Variants in SSU72 observed in about 807,000 individuals in gnomAD.
SSU72 encodes the protein RNA polymerase II subunit A C-terminal domain phosphatase SSU72.
Under a neutral mutation model 22.7 loss-of-function variants are expected in SSU72, and 12 were observed. The ratio of observed to expected loss-of-function variants is 0.53; its 90% confidence interval spans 0.34 to 0.86. The LOEUF (loss-of-function observed/expected upper bound fraction) is 0.86, where lower values mean the gene tolerates loss of function less well. Among genes scored for constraint, SSU72 ranks in the 40% least tolerant of loss-of-function variants. SSU72 has a pLI of 0.02. For missense variants in SSU72, 151 were observed against 249.8 expected (o/e 0.60, Z 2.67); for synonymous variants, 116 against 98.3 (o/e 1.18, Z -1.06).
intron 2 of SSU72, chr1:1,564,546 C>G (rs552871114): frequency 1.3e-6 from 2 of 1,561,188 alleles, no homozygotes; most frequent in South Asian, 2.3e-5. Flanking sequence ...CAGGGTGAAC[C>G]CCACACCGTG....
intron 2 of SSU72, among the ~76,000 whole-genome samples, chr1:1,557,110 T>G (rs1192608979): frequency 2.6e-5 from 4 of 152,226 alleles, no homozygotes; most frequent in Non-Finnish European, 2.9e-5. Flanking sequence ...TTCCCAAAAC[T>G]ATTTTAAAAC....
intron 2 of SSU72, among the ~76,000 whole-genome samples, chr1:1,559,985 A>G (rs1193632107): frequency 6.6e-6 from 1 of 152,052 alleles, no homozygotes; most frequent in Non-Finnish European, 1.5e-5. Context: ...TCGGCCTCCC[A>G]AAGTGCTGGG....
At chr1:1,543,207 C>A (rs1029792787) in intron 4 of SSU72, among the ~76,000 whole-genome samples, 1 of 152,208 alleles carries the variant, frequency 6.6e-6, no homozygotes, top group African/African-American at 2.4e-5. Flanking sequence ...GCAGGGCCCA[C>A]TGGGGAAGGC....
At chr1:1,553,647 C>T (rs998025661) in intron 2 of SSU72, among the ~76,000 whole-genome samples, 1 of 149,008 alleles carries the variant, frequency 6.7e-6, no homozygotes. Context: ...AAAAATTAGC[C>T]GGGCATGGTG....
At position 1,541,986 on chromosome 1, in the gene SSU72, T is replaced by A. The variant is rs1642326481; in HGVS notation, c.*80A>T. 7.3e-7 allele frequency: 1 copy of A among 1,372,032 alleles called. No homozygotes were observed. Among genetic ancestry groups the A allele is most frequent in the African/African-American group, 1.4e-5 (1 of 69,290 alleles). The allele number at this position is 1,372,032 out of a possible 1,614,324, so 85.0% of individuals were successfully genotyped here. ...ATGCTACCGTCACCAGCAGAACACC[T>A]GTAAGTAAAAACAAATGTCAGGAAG... On this transcript the variant is annotated 3_prime_UTR_variant, in exon 5 of 5. Coordinates refer to ENST00000291386, the MANE Select transcript of SSU72 (RefSeq NM_014188.3).
chr1:1,566,300 C>T (rs1474402619), intron 1 of SSU72, among the ~76,000 whole-genome samples: 3 of 152,270 alleles, frequency 2.0e-5, no homozygotes, highest in East Asian at 3.9e-4. Context: ...TGGTATAGAA[C>T]ATGTGTTCTT....
chr1:1,564,427 A>G (rs1642633155), intron 2 of SSU72: 1 of 1,443,712 alleles, frequency 6.9e-7, no homozygotes. Context: ...TGCAAAGGAA[A>G]TAACGGGGCA....
intron 2 of SSU72, among the ~76,000 whole-genome samples, chr1:1,553,020 A>C (rs1400389524): frequency 1.8e-5 from 1 of 55,510 alleles, no homozygotes; most frequent in Admixed American, 2.6e-4. Context: ...GACTGTCTCA[A>C]AAAAAAAAAA....
intron 1 of SSU72, among the ~76,000 whole-genome samples, chr1:1,566,086 G>A (rs7543799): frequency 0.52 from 78,627 of 151,344 alleles, 24,861 homozygotes; most frequent in East Asian, 0.87. Context: ...CGAAACCCCA[G>A]CTCCGTTTCT....
In SSU72 at chr1:1,554,469, C is replaced by T. The variant is rs1286675661; in HGVS notation, c.225-9467G>A. Among the ~76,000 whole-genome samples the T allele has an allele frequency of 6.6e-6, 1 of 152,196 alleles. No individual in the cohort carries two copies. Among genetic ancestry groups the T allele is most frequent in the African/African-American group, 2.4e-5 (1 of 41,438 alleles). On this transcript the variant is annotated intron_variant, in intron 2 of 4. Transcript: ENST00000291386. The surrounding 1 kb of genome is among the most constrained non-coding windows in gnomAD (Gnocchi z 4.1). ...GCTCTCAGGATAAACCACCCAGGGCCCCAAGGTGCCAGGACATACCAGGAA... is the reference window on the plus strand; with the variant it reads ...GCTCTCAGGATAAACCACCCAGGGCTCCAAGGTGCCAGGACATACCAGGAA...
At chr1:1,548,245 GAAGTT>G (rs1356063374) in intron 2 of SSU72, among the ~76,000 whole-genome samples, 1 of 152,206 alleles carries the variant, frequency 6.6e-6, no homozygotes, top group Non-Finnish European at 1.5e-5. Flanking sequence ...AGCCTCAGCT[GAAGTT>G]AACACACATC....
intron 3 of SSU72, 55 bp downstream of exon 3, chr1:1,544,808 C>T (rs1642371827): frequency 6.2e-7 from 1 of 1,612,838 alleles, no homozygotes; most frequent in Non-Finnish European, 8.5e-7. Flanking sequence ...TGCAGGCATC[C>T]CCAGACCCTG....
At chr1:1,559,430 G>C (rs1642558772) in intron 2 of SSU72, among the ~76,000 whole-genome samples, 1 of 152,144 alleles carries the variant, frequency 6.6e-6, no homozygotes, top group South Asian at 2.1e-4. Flanking sequence ...CGCGACTCAG[G>C]GAAGTGCATG....
At chr1:1,553,492 G>A (rs573428788) in intron 2 of SSU72, among the ~76,000 whole-genome samples, 5 of 151,956 alleles carry the variant, frequency 3.3e-5, no homozygotes, top group Admixed American at 3.3e-4. Context: ...CTAGGTGGGC[G>A]TGGCCAGGCG....
intron 2 of SSU72, among the ~76,000 whole-genome samples, chr1:1,551,678 C>T (rs1035011781): frequency 2.0e-5 from 3 of 152,214 alleles, no homozygotes; most frequent in Non-Finnish European, 2.9e-5. Context: ...TCCCGATTCG[C>T]GGACGCCAAC....
In SSU72 at chr1:1,574,812, C is replaced by T. The variant is rs754275545; in HGVS notation, c.-255G>A. ...GGGGGCGGCCAACGCCGCGCCGGCC[C>T]CCGGCGTCCGCAGCAGAGACCCGCA... On this transcript the variant is annotated 5_prime_UTR_variant, in exon 1 of 5. Transcript: ENST00000291386. The T allele has an allele frequency of 8.8e-6, 2 of 227,894 alleles. No homozygotes were observed. Among genetic ancestry groups the T allele is most frequent in the South Asian group, 4.5e-5 (1 of 22,190 alleles). 14.1% of individuals were successfully genotyped at this position (227,894 alleles called of 1,614,324 possible). A position where few individuals can be genotyped will look rare whatever the true frequency, so the allele number is the denominator to read the frequency against.
In SSU72 at chr1:1,554,823, G is replaced by T. The variant is rs1642500656; in HGVS notation, c.225-9821C>A. Among the ~76,000 whole-genome samples, 1 of 152,158 alleles carries T rather than the reference G, an allele frequency of 6.6e-6. No individual in the cohort carries two copies. The highest frequency in any genetic ancestry group is 1.5e-5 in the Non-Finnish European group (1 of 68,026). ...CCCTGGGCAGCCCAGCACCATCCTG[G>T]GTTCCCTGCTGCCGGCGCCAGCCCC... On this transcript the variant is annotated intron_variant, in intron 2 of 4. Coordinates refer to ENST00000291386, the MANE Select transcript of SSU72 (RefSeq NM_014188.3). This position sits in a 1 kb window ranked among gnomAD's most constrained non-coding sequence, Gnocchi z 4.1.
At chr1:1,550,787 C>T (rs1446369281) in intron 2 of SSU72, among the ~76,000 whole-genome samples, 1 of 152,160 alleles carries the variant, frequency 6.6e-6, no homozygotes, top group Admixed American at 6.5e-5. Context: ...TGGTGCCGGC[C>T]GGAAGGCCTG....
rs974594009 is a variant in SSU72 at position 1,574,607 on chromosome 1, C to T, written c.-50G>A. ...TCTCCCGCTTGGGTTCCCACCCTAC[C>T]GCGGCGCTTCCGCGCGAACAAAATG... On this transcript the variant is annotated 5_prime_UTR_variant, in exon 1 of 5. Transcript: ENST00000291386. The T allele has an allele frequency of 1.3e-6, 2 of 1,523,172 alleles. No individual in the cohort carries two copies. Among genetic ancestry groups the T allele is most frequent in the African/African-American group, 2.9e-5 (2 of 69,524 alleles). The allele number at this position is 1,523,172 out of a possible 1,614,324, so 94.4% of individuals were successfully genotyped here. A position where few individuals can be genotyped will look rare whatever the true frequency, so the allele number is the denominator to read the frequency against.
Sources: allele counts gnomAD v4.1 joint callset (sites outside exome capture counted in the v4.1 genomes callset), GRCh38; gene constraint gnomAD v4.1.1; non-coding constraint Gnocchi (gnomAD v3.1); transcripts MANE v1.5; gene names NCBI Gene and HGNC (gene_info 2026-07-23, HGNC 2026-07-21).